ELMO1: variants seen among roughly 807,000 people sequenced by gnomAD.
ELMO1 encodes the protein engulfment and cell motility protein 1.
In ELMO1, 26 loss-of-function variants were observed where a neutral mutation model predicts 98.9. The ratio of observed to expected loss-of-function variants is 0.26; its 90% CI spans 0.19 to 0.36. The LOEUF (loss-of-function observed/expected upper bound fraction) is 0.36. ELMO1 is among the 10% of genes least tolerant of loss of function. The pLI, the probability that ELMO1 is intolerant of heterozygous loss-of-function variation, is 1.00. For synonymous variants in ELMO1, 346 were observed against 346.0 expected, an observed-to-expected ratio of 1.00 and a Z score of 0.00; for missense variants, 627 against 935.2, an observed-to-expected ratio of 0.67 and a Z score of 4.30.
At chr7:37,142,998 G>A (rs368265215) in intron 13 of ELMO1, among the ~76,000 whole-genome samples, 1 of 152,072 alleles carries the variant, frequency 6.6e-6, no homozygotes, top group Admixed American at 6.6e-5. Context: ...GCATTCATTT[G>A]CTATTTTCAA....
intron 16 of ELMO1, among the ~76,000 whole-genome samples, chr7:36,938,812 ATTTT>A (rs144027675): frequency 6.6e-6 from 1 of 152,034 alleles, no homozygotes; most frequent in Non-Finnish European, 1.5e-5. Context: ...CATGAGAGAG[ATTTT>A]TTTGTCTATT....
At chr7:37,120,197 C>T (rs1384992073) in intron 14 of ELMO1, among the ~76,000 whole-genome samples, 1 of 152,192 alleles carries the variant, frequency 6.6e-6, no homozygotes, top group Non-Finnish European at 1.5e-5. Context: ...CTCCAGTCTA[C>T]AGCTCCCAGC....
intron 14 of ELMO1, among the ~76,000 whole-genome samples, chr7:37,122,675 C>T (rs1786153150): frequency 6.6e-6 from 1 of 152,148 alleles, no homozygotes; most frequent in Non-Finnish European, 1.5e-5. Flanking sequence ...GACTCCCACA[C>T]AATAATAATG....
chr7:37,206,373 C>T (rs1399505958), intron 13 of ELMO1, among the ~76,000 whole-genome samples: 3 of 152,194 alleles, frequency 2.0e-5, no homozygotes, highest in Admixed American at 6.5e-5. Flanking sequence ...ATGTCAGCAA[C>T]CCAAATCTAC....
intron 1 of ELMO1, among the ~76,000 whole-genome samples, chr7:37,424,364 A>G (rs1044614906): frequency 5.9e-5 from 9 of 152,182 alleles, no homozygotes; most frequent in Admixed American, 5.9e-4. Flanking sequence ...TCATCCTTCC[A>G]TGAGTCCTTC....
chr7:36,995,598 A>T (rs1483122268), intron 16 of ELMO1, among the ~76,000 whole-genome samples: 2 of 152,152 alleles, frequency 1.3e-5, no homozygotes, highest in Non-Finnish European at 2.9e-5. Flanking sequence ...CATTTAATAT[A>T]CTACAAAACA....
At chr7:37,278,014 A>G (rs1331938025) in intron 4 of ELMO1, among the ~76,000 whole-genome samples, 3 of 152,000 alleles carry the variant, frequency 2.0e-5, no homozygotes, top group African/African-American at 2.4e-5. Context: ...CACCAATCCA[A>G]ACTGTTGTAT....
chr7:37,133,421 T>G (rs977222190), intron 13 of ELMO1, among the ~76,000 whole-genome samples, 187 bp from the exon 14 acceptor site: 1 of 152,190 alleles, frequency 6.6e-6, no homozygotes, highest in African/African-American at 2.4e-5. Context: ...CTACTGCTCC[T>G]CAGGACAGCA....
chr7:37,397,761 C>T (rs753561353), intron 1 of ELMO1, among the ~76,000 whole-genome samples: 20 of 152,314 alleles, frequency 1.3e-4, no homozygotes, highest in Non-Finnish European at 2.6e-4. Context: ...AAATGCCCAT[C>T]AACGATCGAC....
rs77735695 is a variant in ELMO1 at position 36,983,776 on chromosome 7, G to A, written c.1437+29523C>T. Among the ~76,000 whole-genome samples, 43 of 152,268 alleles carry A rather than the reference G, an allele frequency of 2.8e-4. 1 individual carries two copies. The East Asian group carries it at 6.0e-3, about 21-fold the overall frequency. ...AAAGAAGGAGACAATGAACTTCAGG[G>A]TATGATACGTTCTTGGCTATTCCCC... On this transcript the variant is annotated intron_variant, in intron 16 of 21. Transcript: ENST00000310758.
At chr7:36,901,267 A>C (rs1806485939) in intron 16 of ELMO1, among the ~76,000 whole-genome samples, 1 of 152,194 alleles carries the variant, frequency 6.6e-6, no homozygotes, top group South Asian at 2.1e-4. Context: ...CGTGCATATT[A>C]AAATGAAGGA....
intron 1 of ELMO1, among the ~76,000 whole-genome samples, chr7:37,426,689 C>G (rs1229908892): frequency 1.3e-5 from 2 of 152,070 alleles, no homozygotes; most frequent in African/African-American, 2.4e-5. Flanking sequence ...TCAGAAGTGT[C>G]ACAGACAAAA....
At chr7:37,155,503 A>AAAAATAAATAAAT (rs1563040769) in intron 13 of ELMO1, among the ~76,000 whole-genome samples, 13 of 131,778 alleles carry the variant, frequency 9.9e-5, no homozygotes, top group Non-Finnish European at 1.5e-4. Context: ...AAAAAAAAAA[A>AAAAATAAATAAAT]AAAAAGCAGG....
At chr7:36,996,901 T>C (rs1295044732) in intron 16 of ELMO1, among the ~76,000 whole-genome samples, 1 of 152,172 alleles carries the variant, frequency 6.6e-6, no homozygotes, top group East Asian at 1.9e-4. Context: ...CTAGACGTAA[T>C]AGACATGTTG....
Position 37,363,126 on chromosome 7 carries a change from G to A in ELMO1, c.-73-20363C>T, listed in dbSNP as rs1027785851. Among the ~76,000 whole-genome samples, 3 of 151,982 alleles carry A rather than the reference G, an allele frequency of 2.0e-5. No homozygotes were observed. The South Asian group carries it at 6.2e-4, about 32-fold the overall frequency. Reference sequence around the variant, plus strand: ...AACTAGCCTCCTCTGATGACTTCGGGGCCCTCTGACAACTTCAGGGCCCTC... The same window carrying A: ...AACTAGCCTCCTCTGATGACTTCGGAGCCCTCTGACAACTTCAGGGCCCTC... On this transcript the variant is annotated intron_variant, in intron 1 of 21. Transcript: ENST00000310758.
intron 2 of ELMO1, among the ~76,000 whole-genome samples, chr7:37,318,921 G>A (rs776899734): frequency 7.9e-5 from 12 of 152,218 alleles, no homozygotes; most frequent in Middle Eastern, 3.4e-3. Context: ...ATGATATAGC[G>A]CAATATTTTC....
intron 13 of ELMO1, among the ~76,000 whole-genome samples, chr7:37,154,831 T>G (rs1004722271): frequency 1.3e-5 from 2 of 152,070 alleles, no homozygotes; most frequent in Non-Finnish European, 2.9e-5. Context: ...AGATACTCCT[T>G]GAGAAGAGCA....
chr7:37,192,862 G>C (rs1791689204), intron 13 of ELMO1, among the ~76,000 whole-genome samples: 1 of 142,950 alleles, frequency 7.0e-6, no homozygotes, highest in Admixed American at 7.1e-5. Context: ...TTTATATATA[G>C]ATACATACAT....
At position 37,352,272 on chromosome 7, in the gene ELMO1, C is replaced by T. The variant is rs1801306020; in HGVS notation, c.-73-9509G>A. Among the ~76,000 whole-genome samples the T allele has an allele frequency of 5.9e-5, 9 of 152,214 alleles. No homozygotes were observed. The South Asian group carries it at 1.9e-3, about 32-fold the overall frequency. On this transcript the variant is annotated intron_variant, in intron 1 of 21. Coordinates refer to ENST00000310758, the MANE Select transcript of ELMO1 (RefSeq NM_014800.11). Reference sequence around the variant, plus strand: ...ATAGCTCATGTTCGTAACCACTATGCCATTTTTTTGTTTAATAGAGATGAG... The same window carrying T: ...ATAGCTCATGTTCGTAACCACTATGTCATTTTTTTGTTTAATAGAGATGAG...
Sources: allele counts gnomAD v4.1 joint callset (sites outside exome capture counted in the v4.1 genomes callset), GRCh38; gene constraint gnomAD v4.1.1; transcripts MANE v1.5; gene names NCBI Gene and HGNC (gene_info 2026-07-23, HGNC 2026-07-21).